GRID2: variants seen among roughly 807,000 people sequenced by gnomAD.
GRID2 encodes glutamate receptor ionotropic, delta-2.
GRID2 carries 33 observed loss-of-function variants against 114.8 expected under a neutral mutation model. That is an observed-to-expected ratio of 0.29 (90% CI 0.22 to 0.38). GRID2 has a LOEUF of 0.38. GRID2 is among the 10% of genes least tolerant of loss of function. The probability of loss-of-function intolerance (pLI) is 1.00; values close to 1 mark genes in which losing one functional copy is unlikely to be tolerated. For missense variants in GRID2, 1,184 were observed against 1,257.7 expected (o/e 0.94, Z 0.89); for synonymous variants, 505 against 449.9 (o/e 1.12, Z -1.55).
chr4:92,826,421 T>G (rs1356239153), intron 2 of GRID2, among the ~76,000 whole-genome samples: 2 of 152,146 alleles, frequency 1.3e-5, no homozygotes, highest in Non-Finnish European at 2.9e-5. Flanking sequence ...TCTTCCTTCC[T>G]GCTCTATATT....
chr4:93,570,629 A>G (rs1348853781), intron 13 of GRID2, among the ~76,000 whole-genome samples: 3 of 152,180 alleles, frequency 2.0e-5, no homozygotes, highest in South Asian at 2.1e-4. Context: ...CATTATGTAC[A>G]TTTCAGAACA....
intron 7 of GRID2, among the ~76,000 whole-genome samples, chr4:93,238,037 C>T (rs1424431801): frequency 6.6e-6 from 1 of 151,684 alleles, no homozygotes; most frequent in Non-Finnish European, 1.5e-5. Context: ...AAGATGGATC[C>T]ATTCAAGTCA....
intron 8 of GRID2, among the ~76,000 whole-genome samples, chr4:93,327,334 ATTTTCCC>A (rs1352007458): frequency 6.6e-6 from 1 of 152,106 alleles, no homozygotes; most frequent in East Asian, 1.9e-4. Flanking sequence ...CCCACAATGG[ATTTTCCC>A]TCAGTCTTTT....
rs113251461 is a variant in GRID2 at position 93,752,732 on chromosome 4, T to G, written c.2361-16478T>G. Among the ~76,000 whole-genome samples the G allele has an allele frequency of 6.8e-3, 1,041 of 152,292 alleles. 13 individuals are homozygous for G. The highest frequency in any genetic ancestry group is 0.024 in the African/African-American group (995 of 41,564). On this transcript the variant is annotated intron_variant, in intron 14 of 15. Coordinates refer to ENST00000282020, the MANE Select transcript of GRID2 (RefSeq NM_001510.4). ...AAAAATCTCAGTCCTTTAATTATTT[T>G]CCCTGCTTAAAATTTCCTAAACCTT...
chr4:92,383,438 T>TA (rs1436185079), intron 1 of GRID2, among the ~76,000 whole-genome samples: 1 of 152,044 alleles, frequency 6.6e-6, no homozygotes, highest in Non-Finnish European at 1.5e-5. Flanking sequence ...TGTTAATACA[T>TA]ACCTTTCAGC....
At chr4:92,367,617 G>A (rs140321515) in intron 1 of GRID2, among the ~76,000 whole-genome samples, 125 of 152,172 alleles carry the variant, frequency 8.2e-4, no homozygotes, top group African/African-American at 2.8e-3. Context: ...GCAAGTTTCC[G>A]TTAAAGGGAG....
At chr4:93,809,440 G>A (rs1578806545) in exon 2 of GRID2, 1 of 152,082 alleles carries the variant, frequency 6.6e-6, no homozygotes. Context: ...CAAAACTAAG[G>A]CCGTATTAGC....
chr4:92,848,514 A>C (rs537740761), intron 2 of GRID2, among the ~76,000 whole-genome samples: 1 of 152,114 alleles, frequency 6.6e-6, no homozygotes, highest in Non-Finnish European at 1.5e-5. Flanking sequence ...ATCATGAAAT[A>C]GAGTTCCATG....
At chr4:92,829,617 A>G (rs1741961027) in intron 2 of GRID2, among the ~76,000 whole-genome samples, 1 of 152,154 alleles carries the variant, frequency 6.6e-6, no homozygotes. Flanking sequence ...ATCATTCTAT[A>G]AAGACATATG....
chr4:93,615,387 A>G (rs1741512646), intron 13 of GRID2, among the ~76,000 whole-genome samples: 1 of 152,210 alleles, frequency 6.6e-6, no homozygotes, highest in African/African-American at 2.4e-5. Flanking sequence ...GCACAAGAGT[A>G]ATTTGAATTT....
chr4:93,281,394 G>C (rs948381509), intron 8 of GRID2, among the ~76,000 whole-genome samples: 15 of 151,712 alleles, frequency 9.9e-5, no homozygotes, highest in Admixed American at 6.6e-5. Flanking sequence ...GAAAGTCAGA[G>C]AAAAAACAGG....
chr4:92,623,519 G>A (rs1730376422), intron 2 of GRID2, among the ~76,000 whole-genome samples: 1 of 151,682 alleles, frequency 6.6e-6, no homozygotes, highest in Non-Finnish European at 1.5e-5. Context: ...AAAATATGAA[G>A]TTCTCCATCT....
intron 1 of GRID2, among the ~76,000 whole-genome samples, chr4:92,364,634 A>C (rs1352125614): frequency 6.6e-6 from 1 of 152,032 alleles, no homozygotes; most frequent in Admixed American, 6.6e-5. Flanking sequence ...CTCTGTGGTT[A>C]AAGAGACTTA....
At chr4:92,979,434 T>A (rs1347228829) in intron 2 of GRID2, among the ~76,000 whole-genome samples, 2 of 152,032 alleles carry the variant, frequency 1.3e-5, no homozygotes, top group Non-Finnish European at 2.9e-5. Flanking sequence ...TACGACTCAG[T>A]GTATTGGTAG....
intron 2 of GRID2, among the ~76,000 whole-genome samples, chr4:93,008,368 A>G (rs1721779723): frequency 6.6e-6 from 1 of 152,136 alleles, no homozygotes; most frequent in African/African-American, 2.4e-5. Context: ...GAGTTGTAAA[A>G]TGTATAGAAA....
chr4:92,397,338 TTGTATGTGTGTGTG>T (rs1392869380), intron 1 of GRID2, among the ~76,000 whole-genome samples: 46 of 124,276 alleles, frequency 3.7e-4, no homozygotes, highest in African/African-American at 1.2e-3. Flanking sequence ...CTCTGTGTGT[TTGTATGTGTGTGTG>T]TGTGTGTGTG....
chr4:93,623,049 C>T (rs1398408684), intron 13 of GRID2, among the ~76,000 whole-genome samples: 4 of 151,952 alleles, frequency 2.6e-5, no homozygotes, highest in South Asian at 2.1e-4. Context: ...ACCTGTCTCA[C>T]GTTTTTTGAA....
intron 1 of GRID2, among the ~76,000 whole-genome samples, chr4:93,806,178 T>C (rs963000049): frequency 6.6e-6 from 1 of 152,252 alleles, no homozygotes; most frequent in Non-Finnish European, 1.5e-5. Context: ...TGATTTGTGA[T>C]TATAAACATA....
chr4:93,466,202 C>G (rs1416949252), intron 11 of GRID2, among the ~76,000 whole-genome samples: 4 of 152,282 alleles, frequency 2.6e-5, no homozygotes, highest in Non-Finnish European at 5.9e-5. Flanking sequence ...CCACTGATGG[C>G]AGTCTGAAAC....
Sources: allele counts gnomAD v4.1 joint callset (sites outside exome capture counted in the v4.1 genomes callset), GRCh38; gene constraint gnomAD v4.1.1; transcripts MANE v1.5; gene names NCBI Gene and HGNC (gene_info 2026-07-23, HGNC 2026-07-21).